The following CDH18 variants were observed in gnomAD, a reference collection of about 807,000 sequenced individuals.
CDH18 encodes cadherin-18.
Under a neutral mutation model 67.9 loss-of-function variants are expected in CDH18, and 31 were observed. The observed-to-expected ratio is 0.46, with a 90% confidence interval of 0.34 to 0.62. CDH18 has a LOEUF of 0.62. Ranked by LOEUF, CDH18 falls within the 20% of genes least tolerant of loss-of-function variation. The pLI is 0.01. For missense variants in CDH18, 890 were observed against 975.5 expected (o/e 0.91, Z 1.17); for synonymous variants, 362 against 347.2 (o/e 1.04, Z -0.48).
intron 5 of CDH18, among the ~76,000 whole-genome samples, chr5:19,631,482 A>T (rs1752407373): frequency 6.6e-6 from 1 of 152,132 alleles, no homozygotes; most frequent in Non-Finnish European, 1.5e-5. Context: ...CTATTAAGGT[A>T]TCTTTGGCAA....
intron 2 of CDH18, among the ~76,000 whole-genome samples, chr5:20,009,925 G>A (rs1034195235): frequency 6.6e-6 from 1 of 152,052 alleles, no homozygotes; most frequent in Non-Finnish European, 1.5e-5. Flanking sequence ...TTGGTGGGTT[G>A]AGAACTATTT....
At position 20,398,684 on chromosome 5, in the gene CDH18, T is replaced by C. The variant is rs185598365; in HGVS notation, c.-579-143179A>G. ...AACCACCACGGCACACATATACCTA[T>C]GTAAAAAACCACCACGGCACACGTA... On this transcript the variant is annotated intron_variant, in intron 1 of 14. Coordinates refer to the CDH18 transcript ENST00000507958. Among the ~76,000 whole-genome samples the C allele has an allele frequency of 3.0e-3, 404 of 134,368 alleles. 1 individual carries two copies. Among genetic ancestry groups the C allele is most frequent in the African/African-American group, 9.6e-3 (336 of 35,120 alleles). 88.2% of individuals were successfully genotyped at this position (134,368 alleles called of 152,430 possible). A position where few individuals can be genotyped will look rare whatever the true frequency, so the allele number is the denominator to read the frequency against.
At chr5:20,232,670 C>G (rs1377629084) in intron 2 of CDH18, among the ~76,000 whole-genome samples, 1 of 152,072 alleles carries the variant, frequency 6.6e-6, no homozygotes, top group Admixed American at 6.5e-5. Flanking sequence ...AGACATGCCA[C>G]ATTGATATAT....
At chr5:20,281,837 A>G (rs1172670372) in intron 1 of CDH18, among the ~76,000 whole-genome samples, 1 of 152,004 alleles carries the variant, frequency 6.6e-6, no homozygotes, top group Admixed American at 6.6e-5. Flanking sequence ...GATTCTTCCT[A>G]CCCATGAGCA....
intron 3 of CDH18, among the ~76,000 whole-genome samples, chr5:19,755,510 C>T (rs867376245): frequency 5.1e-4 from 57 of 111,348 alleles, no homozygotes; most frequent in African/African-American, 1.5e-3. Flanking sequence ...TACACACACA[C>T]ATATATATAT....
At chr5:20,405,394 C>G (rs1327522091) in intron 1 of CDH18, among the ~76,000 whole-genome samples, 2 of 152,022 alleles carry the variant, frequency 1.3e-5, no homozygotes, top group Non-Finnish European at 2.9e-5. Context: ...AGGTAGAAAG[C>G]TGAAACTGGA....
intron 1 of CDH18, chr5:20,331,213 A>G (rs1318726921): frequency 6.6e-6 from 1 of 152,212 alleles, no homozygotes; most frequent in Non-Finnish European, 1.5e-5. Context: ...AAAGACCTGA[A>G]TCTCTACAAT....
chr5:19,722,809 C>A (rs1445558531), intron 4 of CDH18, among the ~76,000 whole-genome samples: 4 of 152,074 alleles, frequency 2.6e-5, no homozygotes, highest in Non-Finnish European at 4.4e-5. Flanking sequence ...TTTTTACAAT[C>A]AATTGATCTT....
At chr5:19,598,387 A>G (rs936369213) in intron 6 of CDH18, among the ~76,000 whole-genome samples, 1 of 152,166 alleles carries the variant, frequency 6.6e-6, no homozygotes, top group Non-Finnish European at 1.5e-5. Context: ...CTCCAACTTT[A>G]CGCTGGGCAT....
intron 2 of CDH18, among the ~76,000 whole-genome samples, chr5:20,167,398 G>C (rs1458414775): frequency 6.6e-6 from 1 of 151,844 alleles, no homozygotes. Flanking sequence ...AAGATATTAA[G>C]AGCTAAATTT....
At chr5:20,512,968 A>G (rs1755140367) in intron 1 of CDH18, among the ~76,000 whole-genome samples, 1 of 151,798 alleles carries the variant, frequency 6.6e-6, no homozygotes. Context: ...TGCACTCGTC[A>G]GTCACAAGTG....
At chr5:19,775,287 C>CTTGCAT (rs1774224788) in intron 3 of CDH18, among the ~76,000 whole-genome samples, 1 of 152,324 alleles carries the variant, frequency 6.6e-6, no homozygotes, top group Admixed American at 6.5e-5. Flanking sequence ...CCTTTACCAG[C>CTTGCAT]TGTCTTAGGC....
At chr5:19,750,333 T>G (rs1053737054) in intron 3 of CDH18, among the ~76,000 whole-genome samples, 5 of 152,124 alleles carry the variant, frequency 3.3e-5, no homozygotes, top group South Asian at 2.1e-4. Flanking sequence ...TTGAGTATTT[T>G]GTCTTGAATT....
At chr5:19,501,587 G>A (rs1464000144) in intron 11 of CDH18, among the ~76,000 whole-genome samples, 1 of 151,218 alleles carries the variant, frequency 6.6e-6, no homozygotes, top group Non-Finnish European at 1.5e-5. Flanking sequence ...TACATTCAGA[G>A]TTATACCTAT....
At chr5:20,496,800 C>G (rs528301016) in intron 1 of CDH18, among the ~76,000 whole-genome samples, 2 of 152,152 alleles carry the variant, frequency 1.3e-5, no homozygotes, top group South Asian at 4.1e-4. Flanking sequence ...CTATCTCTAA[C>G]CTTACGTAGC....
intron 1 of CDH18, among the ~76,000 whole-genome samples, chr5:20,329,079 TG>T (rs1408844959): frequency 6.6e-6 from 1 of 152,178 alleles, no homozygotes; most frequent in Non-Finnish European, 1.5e-5. Flanking sequence ...CTTACAAGCA[TG>T]AACTGTTTTA....
At chr5:20,519,942 CTTTTTTTTTTTTTTTTTTTTTT>C (rs777265512) in intron 1 of CDH18, among the ~76,000 whole-genome samples, 472 of 41,680 alleles carry the variant, frequency 0.011, 6 homozygotes, top group African/African-American at 0.04. Context: ...ACAGTCTTGG[CTTTTTTTTTTTTTTTTTTTTTT>C]TTTTTTTTTT....
At chr5:20,377,012 C>T (rs908264632) in intron 1 of CDH18, among the ~76,000 whole-genome samples, 4 of 95,986 alleles carry the variant, frequency 4.2e-5, no homozygotes, top group South Asian at 3.0e-4. Context: ...AATGAGACTC[C>T]GTCTCAAAAA....
At chr5:19,520,806 T>C in intron 9 of CDH18, 28 bp from the exon 10 acceptor site, 1 of 1,610,596 alleles carries the variant, frequency 6.2e-7, no homozygotes, top group South Asian at 1.1e-5. Flanking sequence ...ATGTATTTAG[T>C]ATTTCCATGC....
Sources: allele counts gnomAD v4.1 joint callset (sites outside exome capture counted in the v4.1 genomes callset), GRCh38; gene constraint gnomAD v4.1.1; transcripts MANE v1.5; gene names NCBI Gene and HGNC (gene_info 2026-07-23, HGNC 2026-07-21).